Variants in ZDHHC14 observed in about 807,000 individuals in gnomAD.
ZDHHC14 encodes the protein zDHHC palmitoyltransferase 14.
A neutral mutation model predicts 47.7 loss-of-function variants in ZDHHC14; 16 were observed. The observed-to-expected ratio is 0.34, with a 90% CI of 0.23 to 0.51. The LOEUF (loss-of-function observed/expected upper bound fraction) is 0.51. Ranked by LOEUF, ZDHHC14 falls within the 20% of genes least tolerant of loss-of-function variation. The pLI is 0.97. For synonymous variants in ZDHHC14, 293 were observed against 278.9 expected (o/e 1.05, Z -0.50); for missense variants, 515 against 662.5 (o/e 0.78, Z 2.44).
At chr6:157,581,298 GT>G (rs34798011) in intron 2 of ZDHHC14, among the ~76,000 whole-genome samples, 76 of 145,614 alleles carry the variant, frequency 5.2e-4, no homozygotes, top group African/African-American at 8.3e-4. Context: ...TAGTTGGTAT[GT>G]TTTTTTTTTT....
At chr6:157,530,160 G>C (rs940776694) in intron 1 of ZDHHC14, among the ~76,000 whole-genome samples, 1 of 152,146 alleles carries the variant, frequency 6.6e-6, no homozygotes, top group Admixed American at 6.5e-5. Flanking sequence ...ACAGTAACAG[G>C]CTACCTAAAA....
intron 1 of ZDHHC14, among the ~76,000 whole-genome samples, chr6:157,413,007 G>T (rs978096044): frequency 2.0e-5 from 3 of 152,182 alleles, no homozygotes; most frequent in Non-Finnish European, 4.4e-5. Context: ...GTGAAAGGAG[G>T]TCGGCTCACA....
intron 1 of ZDHHC14, among the ~76,000 whole-genome samples, chr6:157,437,282 G>A (rs1778460316): frequency 6.6e-6 from 1 of 152,216 alleles, no homozygotes; most frequent in Non-Finnish European, 1.5e-5. Flanking sequence ...GGGCCATGCA[G>A]GAATGCCAAA....
At chr6:157,531,437 C>T (rs1781362508) in intron 1 of ZDHHC14, among the ~76,000 whole-genome samples, 1 of 152,148 alleles carries the variant, frequency 6.6e-6, no homozygotes, top group Non-Finnish European at 1.5e-5. Flanking sequence ...CAACACCCTT[C>T]CTCTCTGCAG....
At chr6:157,597,690 C>T (rs1249457000) in intron 3 of ZDHHC14, among the ~76,000 whole-genome samples, 1 of 152,218 alleles carries the variant, frequency 6.6e-6, no homozygotes, top group Non-Finnish European at 1.5e-5. Context: ...CTGGGACTGT[C>T]TCTGCACCTG....
rs1778965713 is a variant in ZDHHC14, at chr6:157,676,054, A to AG, written c.*2934dup. ...GTGAGTGCCCTGGTCCCCAGGAAGC[A>AG]GGCGGATGCTGCAGGAAGGTGGCAG... On this transcript the variant is annotated 3_prime_UTR_variant, in exon 9 of 9. Coordinates refer to ENST00000359775, the MANE Select transcript of ZDHHC14 (RefSeq NM_024630.3). 1 of 152,204 alleles carries AG rather than the reference A, an allele frequency of 6.6e-6. No homozygotes were observed. Among genetic ancestry groups the AG allele is most frequent in the Non-Finnish European group, 1.5e-5 (1 of 68,040 alleles). 9.4% of individuals were successfully genotyped at this position (152,204 alleles called of 1,614,324 possible).
intron 1 of ZDHHC14, among the ~76,000 whole-genome samples, chr6:157,511,570 T>G (rs1379151670): frequency 6.6e-6 from 1 of 150,628 alleles, no homozygotes; most frequent in Non-Finnish European, 1.5e-5. Context: ...TTTTTTGTAT[T>G]TTTAGTAGAG....
intron 1 of ZDHHC14, among the ~76,000 whole-genome samples, chr6:157,460,811 A>C (rs1779062947): frequency 1.3e-5 from 2 of 152,182 alleles, no homozygotes; most frequent in Non-Finnish European, 2.9e-5. Flanking sequence ...TAGAGACAGC[A>C]GGCGAGGAGG....
At chr6:157,573,799 G>A (rs1783191349) in intron 2 of ZDHHC14, among the ~76,000 whole-genome samples, 2 of 152,272 alleles carry the variant, frequency 1.3e-5, no homozygotes, top group East Asian at 1.9e-4. Flanking sequence ...GCTCAGCCAT[G>A]GTGCTCTACT....
At chr6:157,551,254 G>A (rs1782219005) in intron 2 of ZDHHC14, among the ~76,000 whole-genome samples, 1 of 152,150 alleles carries the variant, frequency 6.6e-6, no homozygotes, top group Admixed American at 6.5e-5. Flanking sequence ...GCAGGGCTCT[G>A]AGTCATGGGA....
At chr6:157,388,143 A>G (rs1777354645) in intron 1 of ZDHHC14, among the ~76,000 whole-genome samples, 1 of 152,226 alleles carries the variant, frequency 6.6e-6, no homozygotes, top group South Asian at 2.1e-4. Flanking sequence ...TCTGGGATAT[A>G]TTTGAATGTT....
chr6:157,602,714 G>T (rs969547103), intron 3 of ZDHHC14, among the ~76,000 whole-genome samples: 3 of 152,072 alleles, frequency 2.0e-5, no homozygotes, highest in African/African-American at 7.2e-5. Context: ...CAGGAAGGCC[G>T]GGCTCCTGAG....
chr6:157,485,170 C>T (rs1055732574), intron 1 of ZDHHC14, among the ~76,000 whole-genome samples: 3 of 152,180 alleles, frequency 2.0e-5, no homozygotes, highest in Non-Finnish European at 4.4e-5. Context: ...TGGACCTAGA[C>T]ATGAACCTGA....
chr6:157,569,151 G>T (rs1783011254), intron 2 of ZDHHC14, among the ~76,000 whole-genome samples: 1 of 151,334 alleles, frequency 6.6e-6, no homozygotes, highest in Admixed American at 6.6e-5. Flanking sequence ...GAAAAAGATT[G>T]ATAGTCTAAC....
At chr6:157,635,443 T>A (rs1312959331) in intron 5 of ZDHHC14, among the ~76,000 whole-genome samples, 1 of 152,258 alleles carries the variant, frequency 6.6e-6, no homozygotes, top group East Asian at 1.9e-4. Flanking sequence ...CAATTAATTA[T>A]GAGGTCCGGA....
At chr6:157,401,304 T>A (rs1347727611) in intron 1 of ZDHHC14, among the ~76,000 whole-genome samples, 1 of 152,266 alleles carries the variant, frequency 6.6e-6, no homozygotes, top group Non-Finnish European at 1.5e-5. Flanking sequence ...AATACTTTTT[T>A]CTTGTTAACT....
At chr6:157,515,279 A>C (rs1379429636) in intron 1 of ZDHHC14, among the ~76,000 whole-genome samples, 3 of 152,074 alleles carry the variant, frequency 2.0e-5, no homozygotes, top group Non-Finnish European at 4.4e-5. Flanking sequence ...AGGAATGAAC[A>C]CTGCAAAATT....
intron 1 of ZDHHC14, among the ~76,000 whole-genome samples, chr6:157,397,548 A>G (rs915693860): frequency 7.9e-5 from 12 of 152,162 alleles, no homozygotes; most frequent in African/African-American, 2.9e-4. Context: ...GCAGCCAGGA[A>G]GGGCTTTCTG....
intron 1 of ZDHHC14, among the ~76,000 whole-genome samples, chr6:157,512,160 A>G (rs1354637287): frequency 6.6e-6 from 1 of 152,192 alleles, no homozygotes; most frequent in Non-Finnish European, 1.5e-5. Context: ...GAGTGAAGGA[A>G]ACTCAAGCAG....
Sources: allele counts gnomAD v4.1 joint callset (sites outside exome capture counted in the v4.1 genomes callset), GRCh38; gene constraint gnomAD v4.1.1; transcripts MANE v1.5; gene names NCBI Gene and HGNC (gene_info 2026-07-23, HGNC 2026-07-21).